The following TMEM255A variants were observed in gnomAD, a reference collection of about 807,000 sequenced individuals.
TMEM255A encodes the protein family with sequence similarity 70, member A.
A neutral mutation model predicts 23.5 loss-of-function variants in TMEM255A; 14 were observed. That is an observed-to-expected ratio of 0.60 (90% CI 0.39 to 0.93). The LOEUF is 0.93. TMEM255A is among the 40% of genes least tolerant of loss of function. TMEM255A has a pLI of 0.00. For missense variants in TMEM255A, 233 were observed against 261.7 expected (o/e 0.89, Z 0.76); for synonymous variants, 104 against 100.3 (o/e 1.04, Z -0.22).
chrX:120,280,416 TA>T (rs1482891113), intron 6 of TMEM255A, among the ~76,000 whole-genome samples: 2 of 84,705 alleles, frequency 2.4e-5, no homozygotes, highest in African/African-American at 7.8e-5. Context: ...AGCAGCCATT[TA>T]ATTTTTTTTT....
At chrX:120,253,809 G>T (rs1556014748), downstream of TMEM255A, 6 of 1,211,534 alleles carry the variant, frequency 5.0e-6, no homozygotes, top group South Asian at 1.8e-5. Context: ...TACAGCGCAG[G>T]ATGGTAATAC....
the TMEM255A span, chrX:120,253,619 T>G: frequency 8.2e-7 from 1 of 1,212,301 alleles, no homozygotes; most frequent in Non-Finnish European, 1.1e-6. Flanking sequence ...GGCAAGTTGT[T>G]GAACTGAGCT....
Position 120,285,288 on chromosome X carries a change from G to A in TMEM255A, c.424-73C>T, listed in dbSNP as rs1556021571. On this transcript the variant is annotated intron_variant, in intron 5 of 8. Coordinates refer to ENST00000371369, the MANE Select transcript of TMEM255A (RefSeq NM_001104544.3). Reference sequence around the variant, plus strand: ...CAGGACCCTCTGGGATTGGAAATGCGAGTTAGTGACTGATGGAGACAGTAA... The same window carrying A: ...CAGGACCCTCTGGGATTGGAAATGCAAGTTAGTGACTGATGGAGACAGTAA... The A allele has an allele frequency of 3.5e-5, 31 of 889,429 alleles. No homozygotes were observed. The South Asian group carries it at 4.8e-4, about 14-fold the overall frequency. The allele number at this position is 889,429 out of a possible 1,213,427, so 73.3% of individuals were successfully genotyped here.
chrX:120,265,546 T>C (rs1381861045), intron 8 of TMEM255A, among the ~76,000 whole-genome samples: 1 of 111,642 alleles, frequency 9.0e-6, no homozygotes, highest in Non-Finnish European at 1.9e-5. Flanking sequence ...GTAGAAAGTA[T>C]AAATATCCCA....
At chrX:120,294,581 C>T (rs918485778) in intron 2 of TMEM255A, among the ~76,000 whole-genome samples, 2 of 112,169 alleles carry the variant, frequency 1.8e-5, no homozygotes, top group African/African-American at 6.5e-5. Flanking sequence ...ACTTATGTGC[C>T]CAAAAACTAA....
intron 2 of TMEM255A, among the ~76,000 whole-genome samples, chrX:120,303,150 A>C (rs1008793450): frequency 9.0e-6 from 1 of 111,663 alleles, no homozygotes; most frequent in African/African-American, 3.3e-5. Context: ...TTCTAATGCA[A>C]CTAGTTTAGC....
chrX:120,291,621 T>C (rs1252121758), intron 3 of TMEM255A, among the ~76,000 whole-genome samples: 6 of 103,507 alleles, frequency 5.8e-5, no homozygotes, highest in African/African-American at 2.1e-4. Flanking sequence ...ATGCTGTCCA[T>C]GAAGGAATTT....
At chrX:120,254,521 G>T (rs1355901927), downstream of TMEM255A, 1 of 1,209,992 alleles carries the variant, frequency 8.3e-7, no homozygotes, top group Non-Finnish European at 1.1e-6. Flanking sequence ...AGTTTTGATG[G>T]ATCATTAATA....
chrX:120,289,835 A>C (rs925379188), intron 4 of TMEM255A, among the ~76,000 whole-genome samples: 2 of 112,277 alleles, frequency 1.8e-5, no homozygotes, highest in Middle Eastern at 4.2e-3. Flanking sequence ...ACGGAATGTT[A>C]TTAGTCCATA....
At position 120,260,198 on chromosome X, in the gene TMEM255A, T is replaced by A; in HGVS notation, c.*672A>T. The stretch of plus-strand genomic sequence containing the variant: ...GTGTATTTCAGTGTTTCCGGAACAA[T>A]ACATCCTGTTCCCCACTACTGAAGA... On this transcript the variant is annotated 3_prime_UTR_variant, in exon 9 of 9. Coordinates refer to ENST00000371369, the MANE Select transcript of TMEM255A (RefSeq NM_001104544.3). 1 of 748,899 alleles carries A rather than the reference T, an allele frequency of 1.3e-6. No homozygotes were observed. Among genetic ancestry groups the A allele is most frequent in the Non-Finnish European group, 1.6e-6 (1 of 633,955 alleles). The allele number at this position is 748,899 out of a possible 1,213,427, so 61.7% of individuals were successfully genotyped here.
chrX:120,292,991 TA>T (rs1264376881), intron 3 of TMEM255A, among the ~76,000 whole-genome samples: 4 of 112,338 alleles, frequency 3.6e-5, no homozygotes, highest in Non-Finnish European at 7.5e-5. Context: ...AATTTAAGCC[TA>T]AAGTGCAAAC....
chrX:120,276,794 A>G (rs782485692), intron 7 of TMEM255A, 91 bp downstream of exon 7: 14 of 974,495 alleles, frequency 1.4e-5, no homozygotes, highest in African/African-American at 1.9e-5. Context: ...CTTCCCTTCA[A>G]AATATGTGTC....
At chrX:120,266,541 A>C (rs1372750397) in intron 8 of TMEM255A, among the ~76,000 whole-genome samples, 1 of 112,004 alleles carries the variant, frequency 8.9e-6, no homozygotes, top group African/African-American at 3.3e-5. Context: ...TACCCAAAAG[A>C]GAGGTTTCCT....
chrX:120,309,881 C>T (rs1398726208), intron 1 of TMEM255A: 3 of 111,749 alleles, frequency 2.7e-5, no homozygotes, highest in African/African-American at 9.8e-5. Context: ...TTGTAAATAA[C>T]TACGCCCTTA....
rs2057880957 is a variant in TMEM255A, at chrX:120,287,151, C to G, written c.423+3G>C. On this transcript the variant is annotated splice_donor_region_variant and intron_variant, in intron 5 of 8. Coordinates refer to ENST00000371369, the MANE Select transcript of TMEM255A (RefSeq NM_001104544.3). The stretch of plus-strand genomic sequence containing the variant: ...AAAGACATGCAGCCTCATTCTGGCT[C>G]ACCTCCTCAGCTTCCTTCTGTGATG... 1 of 1,205,571 alleles carries G rather than the reference C, an allele frequency of 8.3e-7. No individual in the cohort carries two copies. Among genetic ancestry groups the G allele is most frequent in the Non-Finnish European group, 1.1e-6 (1 of 891,365 alleles).
rs1310581491 is a variant in TMEM255A at position 120,305,123 on chromosome X, C to T, written c.59-632G>A. Among the ~76,000 whole-genome samples, 5 of 110,754 alleles carry T rather than the reference C, an allele frequency of 4.5e-5. No homozygotes were observed. The Admixed American group carries it at 4.8e-4, about 11-fold the overall frequency. ...GCCATTAGTCCACAAAGATATGTAT[C>T]GGGGGAGTTAGGTGGGGAGGATTAT... On this transcript the variant is annotated intron_variant, in intron 1 of 8. Coordinates refer to ENST00000371369, the MANE Select transcript of TMEM255A (RefSeq NM_001104544.3).
rs901458127 is a variant in TMEM255A at position 120,260,316 on chromosome X, A to C, written c.*554T>G. 5.0e-6 allele frequency: 2 copies of C among 396,502 alleles called. No homozygotes were observed. The highest frequency in any genetic ancestry group is 1.8e-4 in the Admixed American group (2 of 11,058). The allele number at this position is 396,502 out of a possible 1,213,427, so 32.7% of individuals were successfully genotyped here. On this transcript the variant is annotated 3_prime_UTR_variant, in exon 9 of 9. Coordinates refer to ENST00000371369, the MANE Select transcript of TMEM255A (RefSeq NM_001104544.3). Reference sequence around the variant, plus strand: ...AGCCATTTTTACAATACTCACAGAGAAGGAAGGAGTAAGAGATACGGGCAG... The same window carrying C: ...AGCCATTTTTACAATACTCACAGAGCAGGAAGGAGTAAGAGATACGGGCAG...
chrX:120,291,380 C>T (rs895407793), intron 3 of TMEM255A, 40 bp from the exon 4 acceptor site: 12 of 1,091,473 alleles, frequency 1.1e-5, no homozygotes, highest in South Asian at 3.9e-5. Flanking sequence ...GTTAGCCTTT[C>T]GCACTTGCTG....
intron 6 of TMEM255A, among the ~76,000 whole-genome samples, chrX:120,283,334 A>G (rs782559377): frequency 3.1e-4 from 34 of 111,312 alleles, no homozygotes; most frequent in Non-Finnish European, 6.0e-4. Flanking sequence ...AAACCTTTCA[A>G]TGAAACAAGA....
Sources: allele counts gnomAD v4.1 joint callset (sites outside exome capture counted in the v4.1 genomes callset), GRCh38; gene constraint gnomAD v4.1.1; transcripts MANE v1.5; gene names NCBI Gene and HGNC (gene_info 2026-07-23, HGNC 2026-07-21).